Variants in DEPDC1 observed in about 807,000 individuals in gnomAD.
DEPDC1 encodes DEP domain-containing protein 1A.
A neutral mutation model predicts 86.8 loss-of-function variants in DEPDC1; 66 were observed. The observed-to-expected ratio is 0.76, with a 90% CI of 0.62 to 0.93. The LOEUF is 0.93. Among genes scored for constraint, DEPDC1 ranks in the 40% least tolerant of loss-of-function variants. The pLI, the probability that DEPDC1 is intolerant of heterozygous loss-of-function variation, is 0.00. For synonymous variants in DEPDC1, 255 were observed against 314.9 expected, an observed-to-expected ratio of 0.81 and a Z score of 2.02; for missense variants, 792 against 935.7, an observed-to-expected ratio of 0.85 and a Z score of 2.00.
At chr1:68,485,344 C>A (rs532585966) in intron 6 of DEPDC1, among the ~76,000 whole-genome samples, 2 of 152,052 alleles carry the variant, frequency 1.3e-5, no homozygotes, top group African/African-American at 4.8e-5. Context: ...TATAGAGAAT[C>A]TAGGTTTGAG....
chr1:68,490,987 G>A (rs114881107), intron 2 of DEPDC1, among the ~76,000 whole-genome samples: 483 of 152,222 alleles, frequency 3.2e-3, no homozygotes, highest in Non-Finnish European at 5.3e-3. Context: ...GTTACATGCC[G>A]AAGATTGAAA....
rs1286105546 is a variant in DEPDC1 at position 68,485,428 on chromosome 1, C to T, written c.770-1338G>A. ...CTGTTGGAAAAATTGGGATGGTATA[C>T]TGATTACTAATTCCTACATCTCACA... On this transcript the variant is annotated intron_variant, in intron 6 of 11. Coordinates refer to ENST00000456315, the MANE Select transcript of DEPDC1 (RefSeq NM_001114120.3). Among the ~76,000 whole-genome samples, 3 of 152,024 alleles carry T rather than the reference C, an allele frequency of 2.0e-5. No individual in the cohort carries two copies. In the East Asian group the frequency reaches 5.8e-4, roughly 29 times the overall value.
Position 68,477,011 on chromosome 1 carries a change from G to A in DEPDC1, c.2357C>T (p.Ala786Val). ...TGTAGGTTTGTCACCAAAAAGTGCTGCTTCACTCTCCGTGGTTGGAAATCT... is the reference window on the plus strand; with the variant it reads ...TGTAGGTTTGTCACCAAAAAGTGCTACTTCACTCTCCGTGGTTGGAAATCT... ...QKRFPTTESE[A>V]ALFGDKPTIK... is the part of the protein sequence containing the mutation. The change falls in exon 12 of 12, where the codon GCA becomes GTA. Residue 786 changes from alanine to valine, a missense_variant. By Grantham distance (64) the Ala-to-Val change is moderately conservative. Coordinates refer to ENST00000456315, the MANE Select transcript of DEPDC1 (RefSeq NM_001114120.3). The A allele has an allele frequency of 6.2e-7, 1 of 1,607,022 alleles. No homozygotes were observed.
chr1:68,484,524 C>T (rs2100256440), intron 6 of DEPDC1, among the ~76,000 whole-genome samples: 1 of 152,002 alleles, frequency 6.6e-6, no homozygotes, highest in South Asian at 2.1e-4. Context: ...AATATCTTTA[C>T]ATTGTTGTTT....
chr1:68,492,893 C>T (rs948479995), intron 2 of DEPDC1, among the ~76,000 whole-genome samples: 6 of 152,032 alleles, frequency 3.9e-5, no homozygotes, highest in Non-Finnish European at 8.8e-5. Context: ...GATAGGAAAC[C>T]TAAGAAGACA....
Position 68,479,312 on chromosome 1 carries a change from A to G in DEPDC1, c.1944T>C (p.His648=). The G allele has an allele frequency of 6.3e-7, 1 of 1,587,860 alleles. No homozygotes were observed. Among genetic ancestry groups the G allele is most frequent in the African/African-American group, 1.4e-5 (1 of 73,612 alleles). Residue 648 remains histidine, a synonymous_variant, in exon 10 of 12, where the codon CAT becomes CAC. Coordinates refer to ENST00000456315, the MANE Select transcript of DEPDC1 (RefSeq NM_001114120.3). ...AGCATAACACACATCGAGAAAAGGT[A>G]TGTATCATCTAGAAAAATATTAAAA... The part of the protein sequence containing the change: ...DAMGTRSLMI[H]TFSRCVLCCA...
At chr1:68,491,563 G>A (rs537972217) in intron 2 of DEPDC1, among the ~76,000 whole-genome samples, 2 of 152,114 alleles carry the variant, frequency 1.3e-5, no homozygotes, top group Non-Finnish European at 2.9e-5. Context: ...TACACTGTTG[G>A]TGGGAGTGTA....
At chr1:68,494,940 C>CG (rs1646255228) in intron 1 of DEPDC1, among the ~76,000 whole-genome samples, 2 of 152,046 alleles carry the variant, frequency 1.3e-5, no homozygotes, top group Admixed American at 1.3e-4. Context: ...GTCGGGAGTT[C>CG]GAGACCAGCC....
Position 68,482,120 on chromosome 1 carries a change from C to T in DEPDC1, c.1688G>A (p.Arg563Lys). The T allele has an allele frequency of 6.2e-7, 1 of 1,612,216 alleles. No individual in the cohort carries two copies. Residue 563 changes from arginine (R) to lysine (K), a missense_variant, in exon 8 of 12, where the codon AGA (arginine) becomes AAA (lysine). Coordinates refer to ENST00000456315, the MANE Select transcript of DEPDC1 (RefSeq NM_001114120.3). Reference sequence around the variant, plus strand: ...AAGTTCTATTGTACTTTTGCAGAGTCTTTTATTGATTGTGGCACTAGACTC... The same window carrying T: ...AAGTTCTATTGTACTTTTGCAGAGTTTTTTATTGATTGTGGCACTAGACTC... ...LGESSATINK[R>K]LCKSTIELSE...
At position 68,482,053 on chromosome 1, in the gene DEPDC1, G is replaced by A. The variant is rs753696143; in HGVS notation, c.1755C>T (p.Gly585=). 3 of 1,584,880 alleles carry A rather than the reference G, an allele frequency of 1.9e-6. No homozygotes were observed. The highest frequency in any genetic ancestry group is 2.6e-6 in the Non-Finnish European group (3 of 1,168,888). Reference sequence around the variant, plus strand: ...TGAAAGCAACAGCCTTACTTTGTGTGCCAGTCAACATAGAAGAAGCTGGAA... The same window carrying A: ...TGAAAGCAACAGCCTTACTTTGTGTACCAGTCAACATAGAAGAAGCTGGAA... ...SLLPASSMLT[G]TQSLLQPHLE... is the part of the protein sequence containing the mutation. The change falls in exon 8 of 12, where the codon GGC becomes GGT. Residue 585 remains glycine (G), a synonymous_variant. Transcript: ENST00000456315.
Position 68,496,742 on chromosome 1 carries a change from G to A in DEPDC1, c.48+210C>T. 6 of 485,120 alleles carry A rather than the reference G, an allele frequency of 1.2e-5. No homozygotes were observed. The highest frequency in any genetic ancestry group is 2.2e-5 in the Non-Finnish European group (6 of 271,926). 30.1% of individuals were successfully genotyped at this position (485,120 alleles called of 1,614,324 possible). On this transcript the variant is annotated intron_variant, in intron 1 of 11. Transcript: ENST00000456315. This position sits in a 1 kb window ranked among gnomAD's most constrained non-coding sequence, Gnocchi z 4.0. ...ACGCGCGGCGCTTCCTTTCGGACCT[G>A]AGGCCCAGACCCTCAAAATAGAGGG... is the stretch of plus-strand genomic sequence containing the variant.
At chr1:68,481,803 T>C (rs1646157690) in intron 8 of DEPDC1, 191 bp from the exon 9 acceptor site, 1 of 631,008 alleles carries the variant, frequency 1.6e-6, no homozygotes, top group African/African-American at 1.9e-5. Flanking sequence ...TTTCTAAGTA[T>C]TAAAATTCTT....
At chr1:68,489,712 C>A in intron 2 of DEPDC1, 104 bp from the exon 3 acceptor site, 1 of 748,184 alleles carries the variant, frequency 1.3e-6, no homozygotes, top group Non-Finnish European at 2.1e-6. Context: ...CTTATTAATA[C>A]TACCAAGTAA....
intron 6 of DEPDC1, 39 bp from the exon 7 acceptor site, chr1:68,484,129 T>C (rs754930564): frequency 1.1e-5 from 15 of 1,421,338 alleles, no homozygotes; most frequent in Non-Finnish European, 1.4e-5. Flanking sequence ...TAAAGTATAT[T>C]TTAATTTAAA....
At chr1:68,477,188 C>T (rs1283857424) in intron 11 of DEPDC1, 119 bp from the exon 12 acceptor site, 4 of 745,078 alleles carry the variant, frequency 5.4e-6, no homozygotes, top group African/African-American at 3.6e-5. Flanking sequence ...AGATTAGTAT[C>T]CTTTCATTTT....
At chr1:68,487,682 AAAAAG>A (rs1218829127) in intron 5 of DEPDC1, among the ~76,000 whole-genome samples, 1 of 151,924 alleles carries the variant, frequency 6.6e-6, no homozygotes, top group Non-Finnish European at 1.5e-5. Flanking sequence ...TCTTGCCCAT[AAAAAG>A]AAAACCAAAG....
intron 11 of DEPDC1, 143 bp from the exon 12 acceptor site, chr1:68,477,212 CCT>C (rs919690891): frequency 1.7e-6 from 1 of 588,538 alleles, no homozygotes; most frequent in East Asian, 3.0e-5. Context: ...CTTGCCTTTC[CCT>C]CTCTCTTCTC....
intron 10 of DEPDC1, among the ~76,000 whole-genome samples, 159 bp from the exon 11 acceptor site, chr1:68,478,131 TAGGTTC>T (rs1646130126): frequency 6.6e-6 from 1 of 151,988 alleles, no homozygotes; most frequent in South Asian, 2.1e-4. Context: ...TGTAAGTCAG[TAGGTTC>T]TAAACCCCAG....
At chr1:68,477,278 C>A (rs982472492) in intron 11 of DEPDC1, among the ~76,000 whole-genome samples, 4 of 151,604 alleles carry the variant, frequency 2.6e-5, no homozygotes, top group African/African-American at 9.7e-5. Context: ...TTTTAGGATT[C>A]TTTCTCTTCC....
Sources: gnomAD v4.1 joint callset for allele counts (sites outside exome capture counted in the v4.1 genomes callset) on GRCh38, gnomAD v4.1.1 for gene constraint, Gnocchi (gnomAD v3.1) non-coding constraint, MANE v1.5 for transcripts, NCBI Gene and HGNC (gene_info 2026-07-23, HGNC 2026-07-21) for gene names.